Variants in KMO observed in about 807,000 individuals in gnomAD.
KMO encodes the protein kynurenine 3-monooxygenase, also known as kynurenine 3-hydroxylase.
A neutral mutation model predicts 57.8 loss-of-function variants in KMO; 24 were observed. The ratio of observed to expected loss-of-function variants is 0.42; its 90% CI spans 0.30 to 0.58. The LOEUF (loss-of-function observed/expected upper bound fraction) is 0.58. KMO is among the 20% of genes least tolerant of loss of function. The pLI is 0.22. For missense variants in KMO, 483 were observed against 588.2 expected (o/e 0.82, Z 1.85); for synonymous variants, 210 against 193.6 (o/e 1.08, Z -0.70).
intron 5 of KMO, among the ~76,000 whole-genome samples, chr1:241,559,565 A>G (rs904422291): frequency 4.6e-5 from 7 of 152,196 alleles, no homozygotes; most frequent in African/African-American, 1.7e-4. Context: ...ACATAGATGA[A>G]TTTCTTTGGT....
intron 11 of KMO, among the ~76,000 whole-genome samples, 166 bp from the exon 12 acceptor site, chr1:241,588,582 T>C (rs953895379): frequency 6.7e-6 from 1 of 149,222 alleles, no homozygotes; most frequent in East Asian, 2.0e-4. Flanking sequence ...GGAAATGCTC[T>C]GTGTATTGTC....
At chr1:241,576,982 G>A (rs1435994586) in intron 10 of KMO, among the ~76,000 whole-genome samples, 1 of 151,988 alleles carries the variant, frequency 6.6e-6, no homozygotes, top group South Asian at 2.1e-4. Context: ...CAAAAGCCTT[G>A]TCTTTGAGCT....
In KMO at chr1:241,592,019, C is replaced by T. The variant is rs1663322270; in HGVS notation, c.1327C>T (p.His443Tyr). 4 of 1,613,812 alleles carry T rather than the reference C, an allele frequency of 2.5e-6. No individual in the cohort carries two copies. In the South Asian group the frequency reaches 3.3e-5, roughly 13 times the overall value. Residue 443 changes from histidine (H) to tyrosine (Y), a missense_variant, in exon 15 of 15, where the codon CAC becomes TAC. Around this residue, in one of 3 missense-constraint regions of KMO, gnomAD observed 410 missense variants for 492.3 expected, o/e 0.83. Coordinates refer to ENST00000366559, the MANE Select transcript of KMO (RefSeq NM_003679.5). ...CATCAGCAGTACCTACCTACTTATA[C>T]ACTACATGTCACCACGATCTTTCCT... ...IAISSTYLLI[H>Y]YMSPRSFLRL... is the part of the protein sequence containing the mutation.
At chr1:241,533,559 C>A (rs114636733) in intron 1 of KMO, among the ~76,000 whole-genome samples, 278 of 152,236 alleles carry the variant, frequency 1.8e-3, no homozygotes, top group Non-Finnish European at 3.4e-3. Flanking sequence ...GGACATGTGT[C>A]GTCACTGCTT....
At position 241,562,345 on chromosome 1, in the gene KMO, C is replaced by T; in HGVS notation, c.615+13C>T. 1 of 1,613,054 alleles carries T rather than the reference C, an allele frequency of 6.2e-7. No homozygotes were observed. The highest frequency in any genetic ancestry group is 8.5e-7 in the Non-Finnish European group (1 of 1,179,232). ...TAAGAACGGAGATGTAAGTCCTTGC[C>T]CTTTTTCAACCCCTTCCCACAACCC... On this transcript the variant is annotated intron_variant, in intron 7 of 14. Transcript: ENST00000366559.
At chr1:241,579,161 C>G (rs1009544374) in intron 10 of KMO, among the ~76,000 whole-genome samples, 2 of 152,104 alleles carry the variant, frequency 1.3e-5, no homozygotes, top group Admixed American at 1.3e-4. Context: ...GCAGGTTATT[C>G]TACCTGCAGA....
intron 9 of KMO, among the ~76,000 whole-genome samples, chr1:241,566,955 A>G (rs1018710877): frequency 6.6e-6 from 1 of 152,186 alleles, no homozygotes; most frequent in Non-Finnish European, 1.5e-5. Flanking sequence ...GGCACAGCAG[A>G]TACATCCGGC....
chr1:241,565,024 G>T lies in KMO; in HGVS notation c.653G>T (p.Arg218Ile), dbSNP rs766588045. The change falls in exon 8 of 15, where the codon AGA (arginine) becomes ATA (isoleucine). Residue 218 changes from arginine (R) to isoleucine (I), a missense_variant. By Grantham distance (97) the Arg-to-Ile change is moderately conservative. Around this residue, in one of 3 missense-constraint regions of KMO, gnomAD observed 410 missense variants for 492.3 expected, o/e 0.83. Transcript: ENST00000366559. Reference protein sequence around the residue: ...MEPNYLHIWPRNTFMMIALPN... With the variant: ...MEPNYLHIWPINTFMMIALPN... ...CCTAATTATCTGCATATTTGGCCTA[G>T]AAATACCTTTATGATGATTGCACTT... 5 of 1,607,166 alleles carry T rather than the reference G, an allele frequency of 3.1e-6. No individual in the cohort carries two copies. Among genetic ancestry groups the T allele is most frequent in the Non-Finnish European group, 4.3e-6 (5 of 1,174,016 alleles).
chr1:241,554,227 T>TTTCCTTCCTTCC (rs59290477), intron 4 of KMO, among the ~76,000 whole-genome samples: 10,161 of 131,916 alleles, frequency 0.077, 538 homozygotes, highest in Non-Finnish European at 0.095. Flanking sequence ...AATACTTTTC[T>TTTCCTTCCTTCC]TTCCTTCCTT....
rs1663432611 is a variant in KMO, at chr1:241,594,430, A to G, written c.*2277A>G. 1.2e-6 allele frequency: 2 copies of G among 1,610,854 alleles called. No individual in the cohort carries two copies. The highest frequency in any genetic ancestry group is 1.7e-6 in the Non-Finnish European group (2 of 1,177,464). ...TCTTTCGTTGCCATTCTTCATTCCTACAAAGGACGAACTTGGATTACATCA... is the reference window on the plus strand; with the variant it reads ...TCTTTCGTTGCCATTCTTCATTCCTGCAAAGGACGAACTTGGATTACATCA... On this transcript the variant is annotated 3_prime_UTR_variant, in exon 15 of 15. Transcript: ENST00000366559.
chr1:241,585,579 G>A (rs1267802163), intron 10 of KMO, among the ~76,000 whole-genome samples: 1 of 151,980 alleles, frequency 6.6e-6, no homozygotes. Flanking sequence ...CCAATGTGGT[G>A]AAATGCCATC....
chr1:241,586,548 G>A, intron 10 of KMO, 131 bp from the exon 11 acceptor site: 1 of 708,056 alleles, frequency 1.4e-6, no homozygotes, highest in Non-Finnish European at 2.5e-6. Context: ...CAACTCAACT[G>A]CTATGTACTA....
At chr1:241,555,487 G>T (rs570827097) in intron 4 of KMO, 125 bp from the exon 5 acceptor site, 8 of 537,030 alleles carry the variant, frequency 1.5e-5, no homozygotes, top group African/African-American at 1.3e-4. Context: ...TAGCGAAATG[G>T]TTATAAAACT....
At chr1:241,547,263 A>G (rs2147946249) in intron 1 of KMO, among the ~76,000 whole-genome samples, 1 of 152,334 alleles carries the variant, frequency 6.6e-6, no homozygotes, top group East Asian at 1.9e-4. Flanking sequence ...TTGCATTAAT[A>G]ATAAAATAAA....
intron 1 of KMO, among the ~76,000 whole-genome samples, chr1:241,540,821 T>TG (rs1421561072): frequency 1.3e-5 from 2 of 152,216 alleles, no homozygotes; most frequent in Admixed American, 6.5e-5. Flanking sequence ...CTCAGCTGTT[T>TG]GGGGGGCCGA....
intron 1 of KMO, among the ~76,000 whole-genome samples, chr1:241,542,216 T>C (rs2152457): frequency 0.99 from 150,350 of 152,258 alleles, 74,256 homozygotes; most frequent in Middle Eastern, 1. Flanking sequence ...ACAATTGCTG[T>C]TAGAGGGGTC....
intron 10 of KMO, among the ~76,000 whole-genome samples, chr1:241,573,186 C>T (rs1662370557): frequency 6.6e-6 from 1 of 151,922 alleles, no homozygotes; most frequent in Admixed American, 6.6e-5. Flanking sequence ...GACGTTTTGC[C>T]CTGTTGCCCA....
chr1:241,581,560 C>T (rs1360996955), intron 10 of KMO, among the ~76,000 whole-genome samples: 4 of 151,384 alleles, frequency 2.6e-5, no homozygotes, highest in African/African-American at 9.7e-5. Flanking sequence ...GTATTTTAAA[C>T]TGATGACAAC....
chr1:241,567,001 G>A (rs140492605), intron 9 of KMO, among the ~76,000 whole-genome samples: 1 of 152,132 alleles, frequency 6.6e-6, no homozygotes, highest in Non-Finnish European at 1.5e-5. Context: ...TACTAGACAC[G>A]TAAGCTTTCC....
Sources: gnomAD v4.1 joint callset for allele counts (sites outside exome capture counted in the v4.1 genomes callset) on GRCh38, gnomAD v4.1.1 for gene constraint, gnomAD v4.1.1 regional missense constraint, MANE v1.5 for transcripts, NCBI Gene and HGNC (gene_info 2026-07-23, HGNC 2026-07-21) for gene names.